The following NEBL variants were observed in gnomAD, a reference collection of about 807,000 sequenced individuals.
NEBL encodes nebulette, also known as LIM and SH3 protein 2.
NEBL carries 122 observed loss-of-function variants against 140.2 expected under a neutral mutation model. That is an observed-to-expected ratio of 0.87 (90% CI 0.75 to 1.01). The LOEUF (loss-of-function observed/expected upper bound fraction) is 1.01, where lower values mean the gene tolerates loss of function less well. Ranked by LOEUF, NEBL falls within the 50% of genes least tolerant of loss-of-function variation. NEBL has a pLI of 0.00. For synonymous variants in NEBL, 436 were observed against 398.9 expected, an observed-to-expected ratio of 1.09 and a Z score of -1.11; for missense variants, 1,365 against 1,231.3, an observed-to-expected ratio of 1.11 and a Z score of -1.62.
chr10:21,230,318 G>T (rs957318057), intron 3 of NEBL, among the ~76,000 whole-genome samples: 3 of 151,956 alleles, frequency 2.0e-5, no homozygotes, highest in Non-Finnish European at 4.4e-5. Context: ...TCTCTAAAGG[G>T]CTAACAACAC....
chr10:21,094,499 CAAAAAAAAAAAAAAAAAAAA>C (rs72278772), intron 2 of NEBL, among the ~76,000 whole-genome samples: 2 of 63,186 alleles, frequency 3.2e-5, no homozygotes, highest in African/African-American at 5.5e-5. Context: ...GACTCCGTCT[CAAAAAAAAAAAAAAAAAAAA>C]AAAAAAAAAA....
intron 4 of NEBL, among the ~76,000 whole-genome samples, chr10:20,933,992 T>A (rs1307505242): frequency 1.3e-5 from 2 of 152,164 alleles, no homozygotes; most frequent in Non-Finnish European, 2.9e-5. Flanking sequence ...GTATTTTTTG[T>A]AAAAGTACAG....
chr10:21,196,815 A>G (rs1197905835), intron 3 of NEBL, among the ~76,000 whole-genome samples: 1 of 152,226 alleles, frequency 6.6e-6, no homozygotes, highest in Non-Finnish European at 1.5e-5. Context: ...TATCACTTTG[A>G]CCCAGTCTAT....
intron 25 of NEBL, among the ~76,000 whole-genome samples, chr10:20,808,921 A>T (rs1837874318): frequency 6.6e-6 from 1 of 152,206 alleles, no homozygotes; most frequent in South Asian, 2.1e-4. Context: ...GGACAAAGAA[A>T]ACATTGGTAA....
chr10:20,970,801 C>T (rs988895069), intron 3 of NEBL, among the ~76,000 whole-genome samples: 4 of 152,136 alleles, frequency 2.6e-5, no homozygotes, highest in African/African-American at 7.2e-5. Flanking sequence ...TGATGGAAGG[C>T]GGAAGTCTCT....
chr10:20,851,287 TTTC>T (rs1269373449), intron 10 of NEBL, among the ~76,000 whole-genome samples: 1 of 152,120 alleles, frequency 6.6e-6, no homozygotes, highest in Non-Finnish European at 1.5e-5. Flanking sequence ...TATACAATTA[TTTC>T]TTAAGTTATT....
chr10:21,101,730 G>A (rs371266812), intron 2 of NEBL, among the ~76,000 whole-genome samples: 30 of 152,282 alleles, frequency 2.0e-4, no homozygotes, highest in African/African-American at 7.2e-4. Context: ...CAGACCCAAG[G>A]AGTGTCAAGC....
rs200103473 is a variant in NEBL, at chr10:20,994,881, TA to T, written c.249+25235del. ...GTTGAGTGGGCTGAGGAGGAGGAGGTAGAGGGGGGGGTTGGTCTTGCTGTCT... is the reference window on the plus strand; with the variant it reads ...GTTGAGTGGGCTGAGGAGGAGGAGGTGAGGGGGGGGTTGGTCTTGCTGTCT... On this transcript the variant is annotated intron_variant, in intron 3 of 6. Transcript: ENST00000417816. Among the ~76,000 whole-genome samples, 1,207 of 150,300 alleles carry T rather than the reference TA, an allele frequency of 8.0e-3. 15 individuals are homozygous for T. Among genetic ancestry groups the T allele is most frequent in the African/African-American group, 0.028 (1,144 of 40,210 alleles).
At chr10:21,082,671 A>G (rs1836435269) in intron 2 of NEBL, among the ~76,000 whole-genome samples, 1 of 151,948 alleles carries the variant, frequency 6.6e-6, no homozygotes, top group African/African-American at 2.4e-5. Flanking sequence ...GAACTATCAC[A>G]AGGATGGAAA....
upstream of NEBL, chr10:20,899,368 G>A (rs1387236741): frequency 7.7e-7 from 1 of 1,298,666 alleles, no homozygotes; most frequent in East Asian, 5.6e-5. Flanking sequence ...TATTCCCCAA[G>A]GTGAATTACC....
intron 2 of NEBL, chr10:21,170,456 T>C (rs186998339): frequency 3.3e-5 from 5 of 152,356 alleles, no homozygotes; most frequent in Admixed American, 3.3e-4. Context: ...ATCCCGTTTA[T>C]GGGTGCTTGG....
intron 5 of NEBL, among the ~76,000 whole-genome samples, chr10:20,880,190 G>A (rs142670478): frequency 1.3e-4 from 20 of 152,094 alleles, no homozygotes; most frequent in East Asian, 3.9e-4. Flanking sequence ...GTGAAAACCC[G>A]TCTCTACTAA....
In NEBL at chr10:20,784,908, C is replaced by G. The variant is rs2131610472; in HGVS notation, c.*839G>C. The stretch of plus-strand genomic sequence containing the variant: ...GAAAGGGCTTTTAGGTATCAGTCAC[C>G]CTTTTTGCTTCAATAATAGGAACGC... On this transcript the variant is annotated 3_prime_UTR_variant, in exon 28 of 28. Coordinates refer to ENST00000377122, the MANE Select transcript of NEBL (RefSeq NM_006393.3). The G allele has an allele frequency of 6.6e-6, 1 of 152,648 alleles. No individual in the cohort carries two copies. Among genetic ancestry groups the G allele is most frequent in the Middle Eastern group, 3.4e-3 (1 of 294 alleles). 9.5% of individuals were successfully genotyped at this position (152,648 alleles called of 1,614,324 possible).
chr10:20,871,507 G>A (rs1341426747), intron 5 of NEBL, among the ~76,000 whole-genome samples: 1 of 152,006 alleles, frequency 6.6e-6, no homozygotes, highest in Non-Finnish European at 1.5e-5. Context: ...GGCTCCCTGT[G>A]CGTTATGTTA....
At chr10:21,225,114 T>C (rs1842126681) in intron 3 of NEBL, among the ~76,000 whole-genome samples, 2 of 152,174 alleles carry the variant, frequency 1.3e-5, no homozygotes, top group Non-Finnish European at 2.9e-5. Flanking sequence ...TTTTTCCCCA[T>C]TCGCTATGAT....
At chr10:20,975,057 C>A (rs1836732615) in intron 3 of NEBL, among the ~76,000 whole-genome samples, 2 of 152,082 alleles carry the variant, frequency 1.3e-5, no homozygotes, top group Admixed American at 1.3e-4. Context: ...CAAATGGTCC[C>A]CTCAGCCTGA....
chr10:21,148,620 C>T (rs899847589), intron 2 of NEBL, among the ~76,000 whole-genome samples: 1 of 152,022 alleles, frequency 6.6e-6, no homozygotes, highest in Non-Finnish European at 1.5e-5. Flanking sequence ...CCACCTCCTG[C>T]GTGGAAGCGA....
chr10:21,228,442 C>G (rs1370221213), intron 3 of NEBL, among the ~76,000 whole-genome samples: 7 of 152,186 alleles, frequency 4.6e-5, no homozygotes, highest in Admixed American at 3.9e-4. Context: ...GCATGAGCAA[C>G]TGTGCCTGGC....
At chr10:21,046,268 C>T (rs1834509914) in intron 2 of NEBL, among the ~76,000 whole-genome samples, 1 of 152,166 alleles carries the variant, frequency 6.6e-6, no homozygotes, top group African/African-American at 2.4e-5. Context: ...GGGTACAAAA[C>T]TTCAGTTAGG....
Sources: allele counts gnomAD v4.1 joint callset (sites outside exome capture counted in the v4.1 genomes callset), GRCh38; gene constraint gnomAD v4.1.1; transcripts MANE v1.5; gene names NCBI Gene and HGNC (gene_info 2026-07-23, HGNC 2026-07-21).